PYGL: variants seen among roughly 807,000 people sequenced by gnomAD.
PYGL encodes the protein glycogen phosphorylase, liver form.
PYGL carries 90 observed loss-of-function variants against 100.1 expected under a neutral mutation model. That is an observed-to-expected ratio of 0.90 (90% CI 0.76 to 1.07). The LOEUF (loss-of-function observed/expected upper bound fraction) is 1.07, where lower values mean the gene tolerates loss of function less well. Ranked by LOEUF, PYGL falls within the 50% of genes least tolerant of loss-of-function variation. The probability of loss-of-function intolerance (pLI) is 0.00; values close to 1 mark genes in which losing one functional copy is unlikely to be tolerated. For synonymous variants in PYGL, 373 were observed against 393.0 expected, an observed-to-expected ratio of 0.95 and a Z score of 0.60; for missense variants, 1,016 against 1,057.6, an observed-to-expected ratio of 0.96 and a Z score of 0.55.
intron 6 of PYGL, 51 bp downstream of exon 6, chr14:50,920,905 C>T: frequency 6.5e-7 from 1 of 1,535,672 alleles, no homozygotes; most frequent in East Asian, 2.2e-5. Context: ...AACTACCAAT[C>T]AAAAAGATTA....
At chr14:50,922,642 A>C (rs2050512451) in intron 5 of PYGL, among the ~76,000 whole-genome samples, 1 of 152,122 alleles carries the variant, frequency 6.6e-6, no homozygotes, top group Non-Finnish European at 1.5e-5. Flanking sequence ...GCTCTCTGGG[A>C]CACTCCATGT....
intron 1 of PYGL, among the ~76,000 whole-genome samples, chr14:50,940,851 CT>C (rs781346712): frequency 3.9e-5 from 6 of 152,208 alleles, no homozygotes; most frequent in East Asian, 1.9e-4. Flanking sequence ...GTCAGAGGGC[CT>C]GGGTACTTCC....
In PYGL at chr14:50,916,750, CAT is replaced by C. The variant is rs2050454914; in HGVS notation, c.1000-18_1000-17del. On this transcript the variant is annotated splice_polypyrimidine_tract_variant and intron_variant, in intron 8 of 19. Transcript: ENST00000216392. ...GGATGGCCACCTGGGTGGGGAAAGACATCAACATGAAGGCAACGGATGGCTCA... is the reference window on the plus strand; with the variant it reads ...GGATGGCCACCTGGGTGGGGAAAGACCAACATGAAGGCAACGGATGGCTCA... 4.4e-6 allele frequency: 7 copies of C among 1,609,028 alleles called. No homozygotes were observed. In the Middle Eastern group the frequency reaches 6.7e-4, roughly 154 times the overall value.
intron 3 of PYGL, 42 bp from the exon 4 acceptor site, chr14:50,931,818 C>T: frequency 4.5e-6 from 7 of 1,559,800 alleles, no homozygotes; most frequent in East Asian, 2.2e-5. Context: ...AGTCATTAAG[C>T]TGAGCCAAAA....
At chr14:50,924,732 CAT>C (rs1344416059) in intron 4 of PYGL, among the ~76,000 whole-genome samples, 1 of 152,166 alleles carries the variant, frequency 6.6e-6, no homozygotes, top group Non-Finnish European at 1.5e-5. Flanking sequence ...TTGAAAATAA[CAT>C]ATTCCAAGAG....
chr14:50,906,380 A>T (rs2050336812), intron 19 of PYGL, among the ~76,000 whole-genome samples: 1 of 152,230 alleles, frequency 6.6e-6, no homozygotes, highest in East Asian at 1.9e-4. Flanking sequence ...AGACTTTGGA[A>T]GCTTCCTGTA....
chr14:50,921,197 A>T, intron 5 of PYGL, 130 bp from the exon 6 acceptor site: 1 of 723,898 alleles, frequency 1.4e-6, no homozygotes, highest in Non-Finnish European at 2.4e-6. Context: ...TGTGAGGCCT[A>T]AATGGAGAAG....
At chr14:50,918,720 C>T (rs956496840) in intron 7 of PYGL, among the ~76,000 whole-genome samples, 6 of 151,994 alleles carry the variant, frequency 3.9e-5, no homozygotes, top group South Asian at 2.1e-4. Context: ...GTGACAGGTG[C>T]GTAAAATCTC....
At chr14:50,907,471 C>A (rs933392504) in intron 19 of PYGL, among the ~76,000 whole-genome samples, 5 of 152,124 alleles carry the variant, frequency 3.3e-5, no homozygotes, top group African/African-American at 4.8e-5. Flanking sequence ...AGTGCGGGGG[C>A]TGGCATCTGT....
chr14:50,938,503 C>T (rs1013252809), intron 1 of PYGL, among the ~76,000 whole-genome samples: 4 of 152,206 alleles, frequency 2.6e-5, no homozygotes, highest in South Asian at 4.1e-4. Context: ...CGAGCCACTG[C>T]GCCCGGCCCC....
rs1201207130 is a variant in PYGL, at chr14:50,912,358, T to A, written c.1621-55A>T. 4 of 1,589,462 alleles carry A rather than the reference T, an allele frequency of 2.5e-6. No homozygotes were observed. In the African/African-American group the frequency reaches 5.4e-5, roughly 21 times the overall value. On this transcript the variant is annotated intron_variant, in intron 13 of 19. Coordinates refer to ENST00000216392, the MANE Select transcript of PYGL (RefSeq NM_002863.5). Reference sequence around the variant, plus strand: ...CTTTTGGCCTAGAAGAATTGGGTGGTCTGGTTTTTCTTTTTTTTGAGACGG... The same window carrying A: ...CTTTTGGCCTAGAAGAATTGGGTGGACTGGTTTTTCTTTTTTTTGAGACGG...
chr14:50,928,833 G>A (rs931937588), intron 4 of PYGL, among the ~76,000 whole-genome samples: 8 of 152,108 alleles, frequency 5.3e-5, no homozygotes, highest in Non-Finnish European at 1.2e-4. Flanking sequence ...AAGGCCTGCT[G>A]CTTTCTTGAC....
intron 19 of PYGL, 154 bp downstream of exon 19, chr14:50,908,117 T>TTTG: frequency 1.9e-6 from 1 of 537,756 alleles, no homozygotes; most frequent in Non-Finnish European, 3.2e-6. Context: ...TTTTTTGTTG[T>TTTG]GGTTGTTTGT....
Position 50,908,888 on chromosome 14 carries a change from C to T in PYGL, c.2245G>A (p.Gly749Ser), listed in dbSNP as rs1421644355. The T allele has an allele frequency of 2.5e-6, 4 of 1,574,198 alleles. No individual in the cohort carries two copies. The highest frequency in any genetic ancestry group is 2.2e-5 in the South Asian group (2 of 90,292). ...TCAGGCTGCTTGGGAGAAAAAAAGC[C>T]ATTGTCAATTTGATCAATGACCAGC... ...LKLVIDQIDNGFFSPKQPDLF... is the reference protein window; with the variant it reads ...LKLVIDQIDNSFFSPKQPDLF... Residue 749 changes from glycine (G) to serine (S), a missense_variant, in exon 18 of 20, where the codon GGC becomes AGC. Coordinates refer to ENST00000216392, the MANE Select transcript of PYGL (RefSeq NM_002863.5).
At chr14:50,940,725 A>G (rs1259491097) in intron 1 of PYGL, among the ~76,000 whole-genome samples, 1 of 152,264 alleles carries the variant, frequency 6.6e-6, no homozygotes, top group Non-Finnish European at 1.5e-5. Flanking sequence ...TGCATGTACT[A>G]TGATTACTAG....
At position 50,924,099 on chromosome 14, in the gene PYGL, A is replaced by T. The variant is rs753689697; in HGVS notation, c.530T>A (p.Val177Glu). The T allele has an allele frequency of 6.2e-7, 1 of 1,613,588 alleles. No homozygotes were observed. Among genetic ancestry groups the T allele is most frequent in the Non-Finnish European group, 8.5e-7 (1 of 1,179,604 alleles). Reference protein sequence around the residue: ...FNQKIRDGWQVEEADDWLRYG... With the variant: ...FNQKIRDGWQEEEADDWLRYG... ...TCTGAGCCAATCATCTGCTTCTTCT[A>T]CCTGCAAAAGGATACAGTATTGCTT... Residue 177 changes from valine (V) to glutamate (E), a missense_variant and splice_region_variant, in exon 5 of 20, where the codon GTA becomes GAA. Coordinates refer to ENST00000216392, the MANE Select transcript of PYGL (RefSeq NM_002863.5).
At chr14:50,937,939 G>T in intron 1 of PYGL, 102 bp from the exon 2 acceptor site, 1 of 1,051,088 alleles carries the variant, frequency 9.5e-7, no homozygotes, top group Non-Finnish European at 1.4e-6. Context: ...GAAACAAACA[G>T]GCAGGACTAT....
At chr14:50,910,587 C>G (rs1385987483) in intron 16 of PYGL, among the ~76,000 whole-genome samples, 1 of 152,154 alleles carries the variant, frequency 6.6e-6, no homozygotes, top group East Asian at 1.9e-4. Context: ...TCCCAAGTAG[C>G]TGCAATTACA....
At chr14:50,907,982 G>A (rs1261543571) in intron 19 of PYGL, among the ~76,000 whole-genome samples, 1 of 141,954 alleles carries the variant, frequency 7.0e-6, no homozygotes, top group Admixed American at 7.5e-5. Flanking sequence ...GGATCACGCC[G>A]CTGCACTCCC....
Sources: allele counts gnomAD v4.1 joint callset (sites outside exome capture counted in the v4.1 genomes callset), GRCh38; gene constraint gnomAD v4.1.1; transcripts MANE v1.5; gene names NCBI Gene and HGNC (gene_info 2026-07-23, HGNC 2026-07-21).